ATG5: variants seen among roughly 807,000 people sequenced by gnomAD.
The protein encoded by ATG5 is autophagy protein 5.
Under a neutral mutation model 36.5 loss-of-function variants are expected in ATG5, and 14 were observed. The observed-to-expected ratio is 0.38, with a 90% CI of 0.25 to 0.60. The LOEUF (loss-of-function observed/expected upper bound fraction) is 0.60. ATG5 is among the 20% of genes least tolerant of loss of function. ATG5 has a pLI of 0.60. For synonymous variants in ATG5, 95 were observed against 101.5 expected, an observed-to-expected ratio of 0.94 and a Z score of 0.38; for missense variants, 195 against 326.7, an observed-to-expected ratio of 0.60 and a Z score of 3.11.
intron 2 of ATG5, among the ~76,000 whole-genome samples, chr6:106,309,484 T>A (rs1181690286): frequency 2.0e-5 from 3 of 152,168 alleles, no homozygotes; most frequent in Non-Finnish European, 4.4e-5. Context: ...TACAAGGAAC[T>A]AAATACTATG....
At position 106,294,015 on chromosome 6, in the gene ATG5, C is replaced by T. The variant is rs533001122; in HGVS notation, c.237-909G>A. On this transcript the variant is annotated intron_variant, in intron 3 of 7. Transcript: ENST00000369076. Reference sequence around the variant, plus strand: ...TGGAATATTTGCATCATATTCTTACCATTTGAGCATCACAAATCTGAAAAT... The same window carrying T: ...TGGAATATTTGCATCATATTCTTACTATTTGAGCATCACAAATCTGAAAAT... Among the ~76,000 whole-genome samples the T allele has an allele frequency of 1.3e-5, 2 of 151,712 alleles. 1 individual carries two copies. Among genetic ancestry groups the T allele is most frequent in the Admixed American group, 1.3e-4 (2 of 15,234 alleles).
At chr6:106,316,813 A>C (rs1453951655) in intron 1 of ATG5, among the ~76,000 whole-genome samples, 9 of 152,122 alleles carry the variant, frequency 5.9e-5, no homozygotes, top group Non-Finnish European at 5.9e-5. Flanking sequence ...TCCTCTCTAC[A>C]ATTTAATCCC....
chr6:106,225,954 T>C (rs1777436778), intron 6 of ATG5, among the ~76,000 whole-genome samples: 1 of 152,344 alleles, frequency 6.6e-6, no homozygotes, highest in East Asian at 1.9e-4. Context: ...AACATATTTC[T>C]GATAATCCAG....
At chr6:106,260,061 G>C (rs1182706973) in intron 5 of ATG5, among the ~76,000 whole-genome samples, 1 of 152,120 alleles carries the variant, frequency 6.6e-6, no homozygotes, top group Non-Finnish European at 1.5e-5. Context: ...TGAAAAATCA[G>C]ACACTTGGAC....
At chr6:106,227,051 GC>G (rs1040623943) in intron 6 of ATG5, among the ~76,000 whole-genome samples, 12 of 151,984 alleles carry the variant, frequency 7.9e-5, no homozygotes, top group African/African-American at 2.9e-4. Context: ...AAAAATAATG[GC>G]CCTAAACTTC....
At chr6:106,208,397 A>G (rs1344802321) in intron 6 of ATG5, among the ~76,000 whole-genome samples, 2 of 152,222 alleles carry the variant, frequency 1.3e-5, no homozygotes, top group Non-Finnish European at 2.9e-5. Context: ...GTTTTAGAAC[A>G]CTGTAATGCA....
intron 6 of ATG5, among the ~76,000 whole-genome samples, chr6:106,243,129 T>C (rs1178375483): frequency 6.6e-6 from 1 of 152,204 alleles, no homozygotes; most frequent in African/African-American, 2.4e-5. Flanking sequence ...TCTAGATTCT[T>C]AAATATTTTT....
intron 6 of ATG5, among the ~76,000 whole-genome samples, chr6:106,243,033 T>C (rs527326312): frequency 7.3e-4 from 111 of 152,336 alleles, no homozygotes; most frequent in African/African-American, 2.6e-3. Context: ...ATTTGGCTCC[T>C]TCTTCAGTTT....
chr6:106,218,288 T>C (rs1671246698), intron 6 of ATG5, among the ~76,000 whole-genome samples: 1 of 152,266 alleles, frequency 6.6e-6, no homozygotes, highest in East Asian at 1.9e-4. Context: ...GAGTGTGGTG[T>C]TCTAACTTAA....
At chr6:106,252,687 A>G (rs548879721) in intron 5 of ATG5, among the ~76,000 whole-genome samples, 1 of 152,368 alleles carries the variant, frequency 6.6e-6, no homozygotes, top group South Asian at 2.1e-4. Flanking sequence ...CACGGGAGAC[A>G]TGGAGGACAT....
At chr6:106,254,263 T>C (rs1390785487) in intron 5 of ATG5, among the ~76,000 whole-genome samples, 1 of 152,180 alleles carries the variant, frequency 6.6e-6, no homozygotes, top group South Asian at 2.1e-4. Flanking sequence ...TCATTCCCTA[T>C]ACCATCACTC....
chr6:106,314,891 G>A (rs1000955151), intron 2 of ATG5, among the ~76,000 whole-genome samples: 3 of 152,074 alleles, frequency 2.0e-5, no homozygotes, highest in Non-Finnish European at 4.4e-5. Flanking sequence ...GATTACTCAC[G>A]TGTATATAAG....
At chr6:106,198,947 T>C (rs1776312339) in intron 7 of ATG5, among the ~76,000 whole-genome samples, 1 of 152,020 alleles carries the variant, frequency 6.6e-6, no homozygotes, top group South Asian at 2.1e-4. Flanking sequence ...AAACAAGGAT[T>C]TGAATAGACA....
At chr6:106,282,221 T>G (rs892839832) in intron 4 of ATG5, among the ~76,000 whole-genome samples, 1 of 152,238 alleles carries the variant, frequency 6.6e-6, no homozygotes, top group African/African-American at 2.4e-5. Flanking sequence ...TACAATTTCT[T>G]GTCCGATTCC....
At position 106,202,238 on chromosome 6, in the gene ATG5, G is replaced by A. The variant is rs550393469; in HGVS notation, c.574-149C>T. ...ACAACATCACAGATGTGGTATCACTGTGAAAAATGTTTAACATGATAAATT... is the reference window on the plus strand; with the variant it reads ...ACAACATCACAGATGTGGTATCACTATGAAAAATGTTTAACATGATAAATT... On this transcript the variant is annotated intron_variant, in intron 6 of 7. Transcript: ENST00000369076. 4 of 524,254 alleles carry A rather than the reference G, an allele frequency of 7.6e-6. No individual in the cohort carries two copies. In the South Asian group the frequency reaches 9.3e-5, roughly 12 times the overall value. 32.5% of individuals were successfully genotyped at this position (524,254 alleles called of 1,614,324 possible).
intron 7 of ATG5, among the ~76,000 whole-genome samples, chr6:106,193,302 A>G (rs1316074677): frequency 6.6e-6 from 1 of 152,204 alleles, no homozygotes. Context: ...ATATCATAGT[A>G]TATACCAAAT....
chr6:106,220,461 C>G (rs1395038118), intron 6 of ATG5, among the ~76,000 whole-genome samples: 1 of 152,066 alleles, frequency 6.6e-6, no homozygotes, highest in African/African-American at 2.4e-5. Flanking sequence ...GTATGATATC[C>G]TGATATGAAA....
intron 5 of ATG5, among the ~76,000 whole-genome samples, chr6:106,275,446 A>G (rs1176218742): frequency 6.6e-6 from 1 of 152,220 alleles, no homozygotes; most frequent in Non-Finnish European, 1.5e-5. Flanking sequence ...CAATTACAGT[A>G]GTGTAAGCTT....
chr6:106,203,747 A>AT (rs1046781073), intron 6 of ATG5, among the ~76,000 whole-genome samples: 1 of 152,044 alleles, frequency 6.6e-6, no homozygotes, highest in African/African-American at 2.4e-5. Flanking sequence ...TGCTCAGCTA[A>AT]TTTTTTTACT....
Sources: allele counts gnomAD v4.1 joint callset (sites outside exome capture counted in the v4.1 genomes callset), GRCh38; gene constraint gnomAD v4.1.1; transcripts MANE v1.5; gene names NCBI Gene and HGNC (gene_info 2026-07-23, HGNC 2026-07-21).